The following AHCY variants were observed in gnomAD, a reference collection of about 807,000 sequenced individuals.
AHCY encodes S-adenosyl-L-homocysteine hydrolase.
AHCY carries 24 observed loss-of-function variants against 45.4 expected under a neutral mutation model. That is an observed-to-expected ratio of 0.53 (90% CI 0.38 to 0.74). The LOEUF (loss-of-function observed/expected upper bound fraction) is 0.74, where lower values mean the gene tolerates loss of function less well. Among genes scored for constraint, AHCY ranks in the 30% least tolerant of loss-of-function variants. The probability of loss-of-function intolerance (pLI) is 0.00; values close to 1 mark genes in which losing one functional copy is unlikely to be tolerated. For missense variants in AHCY, 449 were observed against 594.1 expected (o/e 0.76, Z 2.54); for synonymous variants, 245 against 235.1 (o/e 1.04, Z -0.39).
At chr20:34,276,394 CGA>C (rs2122700385), downstream of AHCY, among the ~76,000 whole-genome samples, 1 of 152,172 alleles carries the variant, frequency 6.6e-6, no homozygotes, top group East Asian at 1.9e-4. Context: ...CAGGTCCCCA[CGA>C]GAGACAGGTT....
chr20:34,294,073 G>C lies in AHCY; in HGVS notation c.295+8C>G, dbSNP rs2036491329. Reference sequence around the variant, plus strand: ...AAATTCCACGTCTCAGAAGCAAGCAGGACTTACCCGGAATGCCAGCCTTGG... The same window carrying C: ...AAATTCCACGTCTCAGAAGCAAGCACGACTTACCCGGAATGCCAGCCTTGG... On this transcript the variant is annotated splice_region_variant and intron_variant, in intron 3 of 9. Transcript: ENST00000217426. 1.9e-6 allele frequency: 3 copies of C among 1,614,112 alleles called. No homozygotes were observed. Among genetic ancestry groups the C allele is most frequent in the Non-Finnish European group, 2.5e-6 (3 of 1,179,944 alleles).
chr20:34,287,625 C>G (rs2036231560), intron 8 of AHCY, among the ~76,000 whole-genome samples: 1 of 151,740 alleles, frequency 6.6e-6, no homozygotes, highest in African/African-American at 2.4e-5. Context: ...CTCCTGACCT[C>G]AAGTGATCCG....
the AHCY span, chr20:34,260,410 G>T: frequency 1.2e-6 from 2 of 1,614,050 alleles, no homozygotes; most frequent in Non-Finnish European, 1.7e-6. Flanking sequence ...CCACCCTGCT[G>T]GTCTTCCTCT....
chr20:34,289,639 G>A (rs779474644), intron 8 of AHCY, among the ~76,000 whole-genome samples: 9 of 151,714 alleles, frequency 5.9e-5, no homozygotes, highest in Admixed American at 2.6e-4. Context: ...CACCACACCC[G>A]GCTAATTTTT....
chr20:34,285,578 C>A lies in AHCY; in HGVS notation c.1029G>T (p.Arg343=). 6.8e-6 allele frequency: 11 copies of A among 1,614,052 alleles called. No homozygotes were observed. Among genetic ancestry groups the A allele is most frequent in the Non-Finnish European group, 9.3e-6 (11 of 1,179,980 alleles). ...GRRIILLAEG[R]LVNLGCAMGH... Reference sequence around the variant, plus strand: ...CCATGGCACAACCCAGGTTGACCAGCCGACCCTCGGCCAGCAGGATGATGC... The same window carrying A: ...CCATGGCACAACCCAGGTTGACCAGACGACCCTCGGCCAGCAGGATGATGC... The change falls in exon 9 of 10, where the codon CGG becomes CGT. Residue 343 remains arginine (R), a synonymous_variant. Transcript: ENST00000217426.
the AHCY span, among the ~76,000 whole-genome samples, chr20:34,242,867 G>A: frequency 6.6e-6 from 1 of 152,330 alleles, no homozygotes; most frequent in South Asian, 2.1e-4. Flanking sequence ...TGCACCCCAG[G>A]TAAAGGAATT....
chr20:34,308,904 T>A (rs1306797881), intron 1 of AHCY, among the ~76,000 whole-genome samples: 2 of 151,644 alleles, frequency 1.3e-5, no homozygotes, highest in African/African-American at 2.4e-5. Context: ...TCTGCCTGCC[T>A]CGGCCTCCCA....
chr20:34,289,210 G>A (rs562924314), intron 8 of AHCY, among the ~76,000 whole-genome samples: 1 of 152,138 alleles, frequency 6.6e-6, no homozygotes, highest in East Asian at 1.9e-4. Flanking sequence ...GTCTCGCACT[G>A]TCACCCAGGC....
the AHCY span, among the ~76,000 whole-genome samples, chr20:34,236,884 A>G: frequency 6.6e-5 from 10 of 152,148 alleles, no homozygotes; most frequent in African/African-American, 2.2e-4. Context: ...GTTTTTGTAT[A>G]TGGTGTTAGG....
chr20:34,262,029 C>T, the AHCY span, among the ~76,000 whole-genome samples: 1 of 152,092 alleles, frequency 6.6e-6, no homozygotes, highest in Non-Finnish European at 1.5e-5. Flanking sequence ...AGGAAAATCA[C>T]TTGAACCCAG....
chr20:34,254,555 C>T, the AHCY span, among the ~76,000 whole-genome samples: 7 of 152,178 alleles, frequency 4.6e-5, no homozygotes, highest in Admixed American at 3.9e-4. Flanking sequence ...AGACATTTGG[C>T]AACAAAACCC....
At chr20:34,268,769 C>A in the AHCY span, among the ~76,000 whole-genome samples, 1 of 151,130 alleles carries the variant, frequency 6.6e-6, no homozygotes, top group Non-Finnish European at 1.5e-5. Context: ...AAAAAAAACA[C>A]AAACTAGGGA....
chr20:34,268,926 G>A, the AHCY span: 1 of 1,543,732 alleles, frequency 6.5e-7, no homozygotes, highest in Admixed American at 2.0e-5. Context: ...GGAGCTCCCA[G>A]GCAGAGGTGA....
chr20:34,242,677 A>G, the AHCY span, among the ~76,000 whole-genome samples: 1 of 152,270 alleles, frequency 6.6e-6, no homozygotes, highest in Non-Finnish European at 1.5e-5. Context: ...AAATAGAACT[A>G]ATGCATACAT....
the AHCY span, chr20:34,260,215 C>A: frequency 1.4e-6 from 1 of 711,354 alleles, no homozygotes; most frequent in East Asian, 2.5e-5. Flanking sequence ...TTCCCCTTCC[C>A]CATCCTAAGC....
chr20:34,279,760 G>C (rs934347406), downstream of AHCY, among the ~76,000 whole-genome samples: 1 of 152,148 alleles, frequency 6.6e-6, no homozygotes, highest in African/African-American at 2.4e-5. Context: ...CATTGAGTGT[G>C]ACTTAAGGGT....
chr20:34,292,528 C>T (rs746290790), intron 3 of AHCY, 21 bp from the exon 4 acceptor site: 2 of 1,613,624 alleles, frequency 1.2e-6, no homozygotes, highest in Non-Finnish European at 1.7e-6. Flanking sequence ...AGTGGCACAT[C>T]AGGGCCTGGA....
chr20:34,254,256 T>C, the AHCY span, among the ~76,000 whole-genome samples: 1 of 152,204 alleles, frequency 6.6e-6, no homozygotes, highest in African/African-American at 2.4e-5. Flanking sequence ...AGAGACGAGC[T>C]ATCACCATGT....
At chr20:34,257,443 T>C in the AHCY span, among the ~76,000 whole-genome samples, 19,526 of 152,242 alleles carry the variant, frequency 0.13, 1,341 homozygotes, top group East Asian at 0.22. Flanking sequence ...TAGATGCTGT[T>C]ATTTGAAAAA....
Sources: gnomAD v4.1 joint callset for allele counts (sites outside exome capture counted in the v4.1 genomes callset) on GRCh38, gnomAD v4.1.1 for gene constraint, MANE v1.5 for transcripts, NCBI Gene and HGNC (gene_info 2026-07-23, HGNC 2026-07-21) for gene names.